Variants in KIAA1549L observed in about 807,000 individuals in gnomAD.
KIAA1549L encodes KIAA1549 like.
In KIAA1549L, 88 loss-of-function variants were observed where a neutral mutation model predicts 160.7. The ratio of observed to expected loss-of-function variants is 0.55; its 90% CI spans 0.46 to 0.65. The LOEUF (loss-of-function observed/expected upper bound fraction) is 0.65. Among genes scored for constraint, KIAA1549L ranks in the 30% least tolerant of loss-of-function variants. The pLI, the probability that KIAA1549L is intolerant of heterozygous loss-of-function variation, is 0.00. For synonymous variants in KIAA1549L, 950 were observed against 976.7 expected, an observed-to-expected ratio of 0.97 and a Z score of 0.51; for missense variants, 2,258 against 2,437.5, an observed-to-expected ratio of 0.93 and a Z score of 1.55.
chr11:33,394,793 G>A (rs942891297), intron 1 of KIAA1549L, among the ~76,000 whole-genome samples: 5 of 152,202 alleles, frequency 3.3e-5, no homozygotes, highest in African/African-American at 9.6e-5. Context: ...GCAGTGATTC[G>A]GGGACCCAGG....
At chr11:33,498,500 G>A (rs1852871552) in intron 1 of KIAA1549L, among the ~76,000 whole-genome samples, 1 of 152,168 alleles carries the variant, frequency 6.6e-6, no homozygotes, top group African/African-American at 2.4e-5. Flanking sequence ...GACCAACTTG[G>A]ATAGCTACAT....
intron 16 of KIAA1549L, among the ~76,000 whole-genome samples, chr11:33,641,072 T>A (rs1933624653): frequency 6.6e-6 from 1 of 152,202 alleles, no homozygotes; most frequent in South Asian, 2.1e-4. Flanking sequence ...TTAGGGCAAG[T>A]TCAGCCAGTA....
At position 33,645,952 on chromosome 11, in the gene KIAA1549L, G is replaced by A. The variant is rs765462279; in HGVS notation, c.5676G>A (p.Pro1892=). 1.1e-5 allele frequency: 17 copies of A among 1,612,480 alleles called. No homozygotes were observed. The highest frequency in any genetic ancestry group is 1.6e-4 in the Middle Eastern group (1 of 6,076). ...ATTCGGAGGTGGTGACCAGCGCTCCGGGGACCATGACGCGGCCCAGGGCCG... is the reference window on the plus strand; with the variant it reads ...ATTCGGAGGTGGTGACCAGCGCTCCAGGGACCATGACGCGGCCCAGGGCCG... ...LPYSEVVTSA[P]GTMTRPRAGV... Residue 1892 remains proline, a synonymous_variant, in exon 17 of 21, where the codon CCG becomes CCA. Coordinates refer to ENST00000658780, the MANE Select transcript of KIAA1549L (RefSeq NM_012194.3).
At chr11:33,584,301 C>G (rs1181823890) in intron 11 of KIAA1549L, among the ~76,000 whole-genome samples, 5 of 152,224 alleles carry the variant, frequency 3.3e-5, no homozygotes, top group Admixed American at 2.6e-4. Flanking sequence ...GCAAGGCTCT[C>G]TGGAGCACAT....
chr11:33,550,743 C>T (rs1425976458), intron 4 of KIAA1549L, among the ~76,000 whole-genome samples: 1 of 152,144 alleles, frequency 6.6e-6, no homozygotes, highest in Non-Finnish European at 1.5e-5. Flanking sequence ...TCCTCCCTAC[C>T]TTTTTGGTAA....
At chr11:33,500,436 C>G (rs1456888167) in intron 1 of KIAA1549L, among the ~76,000 whole-genome samples, 1 of 152,136 alleles carries the variant, frequency 6.6e-6, no homozygotes, top group African/African-American at 2.4e-5. Context: ...ATAAAGCAAG[C>G]AAGCCAAAAA....
intron 1 of KIAA1549L, among the ~76,000 whole-genome samples, chr11:33,491,085 G>A (rs1335585260): frequency 1.3e-5 from 2 of 152,206 alleles, no homozygotes; most frequent in East Asian, 3.8e-4. Flanking sequence ...AGTTTCTTGA[G>A]GGCTGAGACC....
At chr11:33,421,405 C>T (rs1179863461) in intron 1 of KIAA1549L, among the ~76,000 whole-genome samples, 1 of 152,234 alleles carries the variant, frequency 6.6e-6, no homozygotes, top group Non-Finnish European at 1.5e-5. Flanking sequence ...TTGCTACCCA[C>T]AGTGTGGGCC....
chr11:33,440,230 C>T (rs1317709366), intron 1 of KIAA1549L, among the ~76,000 whole-genome samples: 91 of 144,672 alleles, frequency 6.3e-4, no homozygotes, highest in African/African-American at 2.0e-3. Context: ...CCCGGGTTCA[C>T]GCCATTCTCC....
chr11:33,484,630 A>G (rs985819619), intron 1 of KIAA1549L, among the ~76,000 whole-genome samples: 2 of 152,182 alleles, frequency 1.3e-5, no homozygotes, highest in African/African-American at 4.8e-5. Context: ...GCTTTGCACC[A>G]TGCTGGACGG....
intron 1 of KIAA1549L, among the ~76,000 whole-genome samples, chr11:33,492,376 C>T (rs184800926): frequency 7.9e-5 from 12 of 152,074 alleles, no homozygotes; most frequent in Non-Finnish European, 1.6e-4. Context: ...CAAAAAAACC[C>T]CAAAAAGAAC....
intron 10 of KIAA1549L, among the ~76,000 whole-genome samples, chr11:33,576,757 T>G (rs898601336): frequency 3.9e-5 from 6 of 152,268 alleles, no homozygotes; most frequent in Admixed American, 1.3e-4. Context: ...GGTGCTGGCT[T>G]GAGCATTGGT....
At chr11:33,481,475 C>G (rs1256856476) in intron 1 of KIAA1549L, among the ~76,000 whole-genome samples, 1 of 152,152 alleles carries the variant, frequency 6.6e-6, no homozygotes, top group Admixed American at 6.5e-5. Context: ...TTTGTGTCAC[C>G]AGGACCTAAA....
At chr11:33,626,335 G>C (rs1288604912) in intron 16 of KIAA1549L, among the ~76,000 whole-genome samples, 1 of 144,150 alleles carries the variant, frequency 6.9e-6, no homozygotes. Context: ...CATTGAATCT[G>C]TAAATTACCT....
intron 18 of KIAA1549L, among the ~76,000 whole-genome samples, chr11:33,657,732 G>A (rs1301999211): frequency 6.6e-6 from 1 of 152,234 alleles, no homozygotes; most frequent in Non-Finnish European, 1.5e-5. Context: ...AGGAGGCAGA[G>A]GTTGCAGTGA....
chr11:33,592,480 G>A (rs1850085680), intron 12 of KIAA1549L, among the ~76,000 whole-genome samples: 2 of 152,166 alleles, frequency 1.3e-5, no homozygotes, highest in East Asian at 3.8e-4. Flanking sequence ...CAACTCCCTT[G>A]TTGCCTGAGA....
chr11:33,393,714 T>C (rs1251408063), intron 1 of KIAA1549L, among the ~76,000 whole-genome samples: 1 of 152,196 alleles, frequency 6.6e-6, no homozygotes, highest in African/African-American at 2.4e-5. Flanking sequence ...CAGTGCTACT[T>C]ATACCGTGTA....
At chr11:33,632,968 T>G (rs1851338454) in intron 16 of KIAA1549L, among the ~76,000 whole-genome samples, 2 of 150,524 alleles carry the variant, frequency 1.3e-5, no homozygotes, top group Non-Finnish European at 2.9e-5. Flanking sequence ...CATCTTTGTG[T>G]TTTTTGTCGT....
intron 7 of KIAA1549L, among the ~76,000 whole-genome samples, chr11:33,561,436 C>T (rs531232034): frequency 1.3e-5 from 2 of 152,088 alleles, no homozygotes; most frequent in Non-Finnish European, 2.9e-5. Flanking sequence ...AGGATTTAGC[C>T]GCTTGCTATT....
Sources: gnomAD v4.1 joint callset for allele counts (sites outside exome capture counted in the v4.1 genomes callset) on GRCh38, gnomAD v4.1.1 for gene constraint, MANE v1.5 for transcripts, NCBI Gene and HGNC (gene_info 2026-07-23, HGNC 2026-07-21) for gene names.